Variants in HEATR5B observed in about 807,000 individuals in gnomAD.
The protein encoded by HEATR5B is HEAT repeat-containing protein 5B.
A neutral mutation model predicts 224.1 loss-of-function variants in HEATR5B; 156 were observed. The observed-to-expected ratio is 0.70, with a 90% CI of 0.61 to 0.80. The LOEUF (loss-of-function observed/expected upper bound fraction) is 0.80. Ranked by LOEUF, HEATR5B falls within the 30% of genes least tolerant of loss-of-function variation. The pLI is 0.00. For synonymous variants in HEATR5B, 1,027 were observed against 893.0 expected, an observed-to-expected ratio of 1.15 and a Z score of -2.68; for missense variants, 2,323 against 2,535.5, an observed-to-expected ratio of 0.92 and a Z score of 1.80.
Position 37,040,369 on chromosome 2 carries a change from G to C in HEATR5B, c.3006C>G (p.Cys1002Trp), listed in dbSNP as rs1669795126. 1 of 1,613,780 alleles carries C rather than the reference G, an allele frequency of 6.2e-7. No individual in the cohort carries two copies. Among genetic ancestry groups the C allele is most frequent in the African/African-American group, 1.3e-5 (1 of 74,890 alleles). The change falls in exon 20 of 36, where the codon TGC (cysteine) becomes TGG (tryptophan). Residue 1002 changes from cysteine (C) to tryptophan (W), a missense_variant. By Grantham distance (215) the Cys-to-Trp change is radical. Coordinates refer to ENST00000233099, the MANE Select transcript of HEATR5B (RefSeq NM_019024.3). ...HTEVHQCLGRCLGAIITTVGP... is the reference protein window; with the variant it reads ...HTEVHQCLGRWLGAIITTVGP... ...CAACAGTAGTTATTATAGCACCCAA[G>C]CATCGACCCAAACACTGATGAACTT...
chr2:37,068,666 G>A lies in HEATR5B; in HGVS notation c.1177+15C>T, dbSNP rs752415938. 22 of 1,612,862 alleles carry A rather than the reference G, an allele frequency of 1.4e-5. No homozygotes were observed. In the South Asian group the frequency reaches 2.3e-4, roughly 17 times the overall value. ...GACTAAGGTAATCAACACACATAAT[G>A]ATACTGATTCTTACCTACGGCTTTC... is the stretch of plus-strand genomic sequence containing the variant. On this transcript the variant is annotated intron_variant, in intron 8 of 35. Coordinates refer to ENST00000233099, the MANE Select transcript of HEATR5B (RefSeq NM_019024.3).
Position 36,986,543 on chromosome 2 carries a change from A to G in HEATR5B, c.5911+2103T>C, listed in dbSNP as rs1665956763. Among the ~76,000 whole-genome samples, 3 of 152,212 alleles carry G rather than the reference A, an allele frequency of 2.0e-5. 1 individual carries two copies. In the South Asian group the frequency reaches 6.2e-4, roughly 32 times the overall value. On this transcript the variant is annotated intron_variant, in intron 35 of 35. Transcript: ENST00000233099. ...TGTGAAATGTTTTTAAGAGAAGAGG[A>G]AAAAATTTTTAACAGAAAAGAAAAA...
chr2:37,013,927 G>C lies in HEATR5B; in HGVS notation c.4198C>G (p.Gln1400Glu). ...NLLVSSLDKVQAGKGSSSQLY... is the reference protein window; with the variant it reads ...NLLVSSLDKVEAGKGSSSQLY... ...TGGCTGGAAGATCCTTTTCCAGCCT[G>C]AACTTTGTCCAGAGAAGAAACAAGA... Residue 1400 changes from glutamine (Q) to glutamate (E), a missense_variant, in exon 27 of 36, where the codon CAG becomes GAG. Coordinates refer to ENST00000233099, the MANE Select transcript of HEATR5B (RefSeq NM_019024.3). 5.6e-6 allele frequency: 9 copies of C among 1,613,266 alleles called. No homozygotes were observed. Among genetic ancestry groups the C allele is most frequent in the Non-Finnish European group, 7.6e-6 (9 of 1,179,616 alleles).
At chr2:37,056,125 C>T (rs1442232860) in intron 16 of HEATR5B, among the ~76,000 whole-genome samples, 1 of 151,386 alleles carries the variant, frequency 6.6e-6, no homozygotes, top group Non-Finnish European at 1.5e-5. Context: ...TATTATAATG[C>T]ATTTTTTTTT....
Position 36,981,715 on chromosome 2 carries a change from T to C in HEATR5B, c.5991A>G (p.Ser1997=), listed in dbSNP as rs1411894615. 24 of 1,614,036 alleles carry C rather than the reference T, an allele frequency of 1.5e-5. No homozygotes were observed. The highest frequency in any genetic ancestry group is 1.9e-5 in the Non-Finnish European group (23 of 1,179,974). ...CAAACTCATGAAGATCTTTGGAAGC[T>C]GAACTTGCTGAGGCAAAAGAATTTT... ...LDENSFASAS[S]ASKDLHEFAL... The change falls in exon 36 of 36, where the codon TCA becomes TCG. Residue 1997 remains serine (S), a synonymous_variant. Coordinates refer to ENST00000233099, the MANE Select transcript of HEATR5B (RefSeq NM_019024.3).
chr2:36,990,732 A>C lies in HEATR5B; in HGVS notation c.5613T>G (p.Ala1871=), dbSNP rs1188539015. 1 of 1,611,998 alleles carries C rather than the reference A, an allele frequency of 6.2e-7. No homozygotes were observed. The highest frequency in any genetic ancestry group is 8.5e-7 in the Non-Finnish European group (1 of 1,178,598). ...ACTGGACTCCTATTATTTCATTACT[A>C]GCAGACCACAGGAAGAGTGCAATTG... The part of the protein sequence containing the change: ...LTAIALFLWS[A]SNEIIGVQSL... Residue 1871 remains alanine, a synonymous_variant, in exon 34 of 36, where the codon GCT becomes GCG. Transcript: ENST00000233099.
chr2:37,072,083 G>C, intron 6 of HEATR5B, 27 bp downstream of exon 6: 1 of 1,590,240 alleles, frequency 6.3e-7, no homozygotes, highest in Non-Finnish European at 8.6e-7. Context: ...GTCTGTTATG[G>C]TCTAAATCAA....
At chr2:36,999,939 G>T (rs567798387) in intron 33 of HEATR5B, among the ~76,000 whole-genome samples, 141 of 151,784 alleles carry the variant, frequency 9.3e-4, no homozygotes, top group African/African-American at 3.4e-3. Context: ...TTGAACCCGG[G>T]AGGCGGAGGT....
intron 27 of HEATR5B, among the ~76,000 whole-genome samples, 183 bp from the exon 28 acceptor site, chr2:37,009,031 G>C (rs533929008): frequency 6.6e-6 from 1 of 151,960 alleles, no homozygotes; most frequent in African/African-American, 2.4e-5. Context: ...AGGCCAAGGC[G>C]GGTAGATCAT....
At chr2:37,002,228 CA>C in intron 32 of HEATR5B, 77 bp downstream of exon 32, 1 of 1,489,878 alleles carries the variant, frequency 6.7e-7, no homozygotes, top group Non-Finnish European at 9.3e-7. Context: ...TGGGTTATAA[CA>C]GTGCTTAAAA....
chr2:37,082,917 A>C (rs1484374897), intron 2 of HEATR5B, among the ~76,000 whole-genome samples: 1 of 151,254 alleles, frequency 6.6e-6, no homozygotes, highest in Non-Finnish European at 1.5e-5. Context: ...AGGAAGAAAA[A>C]ACAGATTAAA....
chr2:37,069,505 C>A (rs935359922), intron 7 of HEATR5B, among the ~76,000 whole-genome samples: 1 of 152,076 alleles, frequency 6.6e-6, no homozygotes, highest in South Asian at 2.1e-4. Flanking sequence ...CTTATAATTA[C>A]ACTGGTGATT....
chr2:37,076,845 T>A, intron 4 of HEATR5B, 66 bp downstream of exon 4: 1 of 1,203,134 alleles, frequency 8.3e-7, no homozygotes, highest in East Asian at 2.4e-5. Context: ...GAAACAAACA[T>A]ATTTTAGCTG....
chr2:37,036,645 G>C (rs1669497602), intron 21 of HEATR5B, among the ~76,000 whole-genome samples: 1 of 151,910 alleles, frequency 6.6e-6, no homozygotes, highest in African/African-American at 2.4e-5. Flanking sequence ...CCGAGTAGCT[G>C]AGATTATAGG....
chr2:36,997,200 T>A (rs528287659), intron 33 of HEATR5B, among the ~76,000 whole-genome samples: 7 of 152,284 alleles, frequency 4.6e-5, no homozygotes, highest in Admixed American at 2.6e-4. Context: ...GTTTGTTTGT[T>A]TTGAGATAGG....
At chr2:36,983,953 C>T (rs907924740) in intron 35 of HEATR5B, among the ~76,000 whole-genome samples, 3 of 151,056 alleles carry the variant, frequency 2.0e-5, no homozygotes, top group Admixed American at 2.0e-4. Context: ...AATCTCAGCA[C>T]TTTGGGAGGC....
Position 37,049,727 on chromosome 2 carries a change from T to C in HEATR5B, c.2622A>G (p.Glu874=). 1 of 1,613,960 alleles carries C rather than the reference T, an allele frequency of 6.2e-7. No homozygotes were observed. The highest frequency in any genetic ancestry group is 8.5e-7 in the Non-Finnish European group (1 of 1,179,998). ...CCACCTGAGCCATTCTTCCAAGAGC[T>C]TCCCCCGCTGCACAACGTAAGATGG... ...PNPILRCAAG[E]ALGRMAQVVG... is the part of the protein sequence containing the mutation. Residue 874 remains glutamate (E), a synonymous_variant, in exon 18 of 36, where the codon GAA becomes GAG. Coordinates refer to ENST00000233099, the MANE Select transcript of HEATR5B (RefSeq NM_019024.3).
chr2:37,069,880 A>C (rs1031129598), intron 7 of HEATR5B, among the ~76,000 whole-genome samples: 4 of 149,466 alleles, frequency 2.7e-5, no homozygotes, highest in African/African-American at 9.9e-5. Context: ...ACGAAGTTTC[A>C]CAAGTGATAT....
At chr2:37,061,045 A>T (rs145191357) in intron 11 of HEATR5B, among the ~76,000 whole-genome samples, 70 of 152,296 alleles carry the variant, frequency 4.6e-4, no homozygotes, top group African/African-American at 1.7e-3. Flanking sequence ...CTGTATTGAG[A>T]ATGGTGGATT....
Sources: gnomAD v4.1 joint callset for allele counts (sites outside exome capture counted in the v4.1 genomes callset) on GRCh38, gnomAD v4.1.1 for gene constraint, MANE v1.5 for transcripts, NCBI Gene and HGNC (gene_info 2026-07-23, HGNC 2026-07-21) for gene names.